SLC29A3: variants seen among roughly 807,000 people sequenced by gnomAD.
SLC29A3 encodes the protein equilibrative nucleoside transporter 3.
A neutral mutation model predicts 25.4 loss-of-function variants in SLC29A3; 18 were observed. The ratio of observed to expected loss-of-function variants is 0.71; its 90% CI spans 0.49 to 1.05. The LOEUF (loss-of-function observed/expected upper bound fraction) is 1.05, where lower values mean the gene tolerates loss of function less well. Ranked by LOEUF, SLC29A3 falls within the 50% of genes least tolerant of loss-of-function variation. The pLI, the probability that SLC29A3 is intolerant of heterozygous loss-of-function variation, is 0.00. For synonymous variants in SLC29A3, 258 were observed against 267.1 expected (o/e 0.97, Z 0.33); for missense variants, 586 against 609.0 (o/e 0.96, Z 0.40).
intron 2 of SLC29A3, among the ~76,000 whole-genome samples, chr10:71,329,628 T>G (rs1438166228): frequency 6.6e-6 from 1 of 152,190 alleles, no homozygotes; most frequent in Non-Finnish European, 1.5e-5. Flanking sequence ...CGTGTGCCTG[T>G]AGTTCCAGCT....
chr10:71,354,352 C>T (rs536274804), intron 4 of SLC29A3, among the ~76,000 whole-genome samples: 2 of 152,278 alleles, frequency 1.3e-5, no homozygotes, highest in East Asian at 1.9e-4. Flanking sequence ...GGTTTGGACT[C>T]GGATGTTTTG....
intron 4 of SLC29A3, chr10:71,379,711 A>G (rs1363295675): frequency 6.6e-6 from 1 of 152,344 alleles, no homozygotes; most frequent in East Asian, 1.9e-4. Context: ...TAATTGCAAT[A>G]AAGCCATTTG....
At chr10:71,357,370 G>A (rs1846942410) in intron 5 of SLC29A3, among the ~76,000 whole-genome samples, 4 of 151,710 alleles carry the variant, frequency 2.6e-5, no homozygotes, top group African/African-American at 7.3e-5. Context: ...AGCTGAGATC[G>A]CACCCCTGCA....
rs1467077444 is a variant in SLC29A3 at position 71,325,406 on chromosome 10, G to A, written c.300+2352G>A. On this transcript the variant is annotated intron_variant, in intron 2 of 5. Coordinates refer to ENST00000373189, the MANE Select transcript of SLC29A3 (RefSeq NM_018344.6). ...ATGGGCCTCCCTCAAACCTTGTTAT[G>A]TCATCGGCACATTACCCGTCCGATG... is the stretch of plus-strand genomic sequence containing the variant. Among the ~76,000 whole-genome samples the A allele has an allele frequency of 3.9e-5, 6 of 152,278 alleles. No individual in the cohort carries two copies. In the South Asian group the frequency reaches 1.0e-3, roughly 26 times the overall value.
At chr10:71,375,618 A>T (rs1305883177) in intron 3 of SLC29A3, 1 of 152,208 alleles carries the variant, frequency 6.6e-6, no homozygotes, top group Non-Finnish European at 1.5e-5. Context: ...TAAATCAACT[A>T]AAAAAATCAA....
rs79520852 is a variant in SLC29A3 at position 71,339,095 on chromosome 10, G to A, written c.301-5114G>A. 2.8e-3 allele frequency among the ~76,000 whole-genome samples: 425 copies of A among 152,342 alleles called. 3 individuals carry two copies. Among genetic ancestry groups the A allele is most frequent in the Middle Eastern group, 0.02 (6 of 294 alleles). ...TGCTGCCACCAGCACTCCCAATGTG[G>A]ACCTCTGTGTACCTCTGGGAAATTC... On this transcript the variant is annotated intron_variant, in intron 2 of 5. Transcript: ENST00000373189.
At chr10:71,363,895 G>C (rs924541980), downstream of SLC29A3, among the ~76,000 whole-genome samples, 1 of 142,902 alleles carries the variant, frequency 7.0e-6, no homozygotes, top group African/African-American at 2.6e-5. Flanking sequence ...CTGCAACCTT[G>C]AGGATGTTTT....
intron 3 of SLC29A3, among the ~76,000 whole-genome samples, chr10:71,345,607 AATGAGAAGGAGAGGGGCGTTGCAGCCC>A: frequency 6.6e-6 from 1 of 152,348 alleles, no homozygotes; most frequent in Admixed American, 6.5e-5. Flanking sequence ...AGTCTGGAAG[AATGAGAAGGAGAGGGGCGTTGCAGCCC>A]CTCTCACCAG....
In SLC29A3 at chr10:71,363,313, G is replaced by A. The variant is rs113080025; in HGVS notation, c.*705G>A. ...GTCTATGGCCTGGGTCAAGATGAGGGTCTTTCAGTGTTCCTGTTTACAACA... is the reference window on the plus strand; with the variant it reads ...GTCTATGGCCTGGGTCAAGATGAGGATCTTTCAGTGTTCCTGTTTACAACA... On this transcript the variant is annotated 3_prime_UTR_variant, in exon 6 of 6. Transcript: ENST00000373189. 2.1e-3 allele frequency: 933 copies of A among 454,110 alleles called. 12 individuals carry two copies. Among genetic ancestry groups the A allele is most frequent in the African/African-American group, 0.017 (860 of 50,120 alleles). 28.1% of individuals were successfully genotyped at this position (454,110 alleles called of 1,614,324 possible). A position where few individuals can be genotyped will look rare whatever the true frequency, so the allele number is the denominator to read the frequency against.
intron 2 of SLC29A3, among the ~76,000 whole-genome samples, chr10:71,332,094 T>G (rs538245269): frequency 1.5e-4 from 23 of 152,298 alleles, no homozygotes; most frequent in Admixed American, 2.6e-4. Context: ...TAGACTCCCT[T>G]TGCAATCCTC....
intron 2 of SLC29A3, among the ~76,000 whole-genome samples, chr10:71,336,340 A>G (rs967581006): frequency 6.6e-6 from 1 of 152,124 alleles, no homozygotes; most frequent in Admixed American, 6.5e-5. Flanking sequence ...GGGGGCATGA[A>G]TTCAGCCCCC....
chr10:71,366,830 T>G (rs1037622827), downstream of SLC29A3, among the ~76,000 whole-genome samples: 1 of 152,210 alleles, frequency 6.6e-6, no homozygotes, highest in African/African-American at 2.4e-5. Context: ...ATGTCTCCAC[T>G]TGGTGGGCTT....
At chr10:71,336,685 G>A (rs1846262032) in intron 2 of SLC29A3, among the ~76,000 whole-genome samples, 1 of 151,934 alleles carries the variant, frequency 6.6e-6, no homozygotes, top group Admixed American at 6.6e-5. Context: ...TGGGATTCAT[G>A]GTGTGAGTCT....
downstream of SLC29A3, among the ~76,000 whole-genome samples, chr10:71,367,640 G>A (rs1366531486): frequency 1.3e-5 from 2 of 152,174 alleles, no homozygotes; most frequent in Admixed American, 6.5e-5. Context: ...CTGAGATGGC[G>A]AACTCAACTT....
At position 71,359,295 on chromosome 10, in the gene SLC29A3, G is replaced by C. The variant is rs78333835; in HGVS notation, c.774-2659G>C. On this transcript the variant is annotated intron_variant, in intron 5 of 5. Transcript: ENST00000373189. ...CACTTCTCTAAGGATGGGGCTCATG[G>C]AGAGAGCTGTGCTCCCAGGTCTGCT... 3.2e-3 allele frequency among the ~76,000 whole-genome samples: 487 copies of C among 152,310 alleles called. 3 individuals carry two copies. Among genetic ancestry groups the C allele is most frequent in the African/African-American group, 0.011 (468 of 41,570 alleles).
At chr10:71,356,273 C>T (rs1299693099) in intron 5 of SLC29A3, 30 bp downstream of exon 5, 7 of 1,609,820 alleles carry the variant, frequency 4.3e-6, no homozygotes, top group Middle Eastern at 1.6e-4. Context: ...TCCATGCCTC[C>T]TTCCTGTGTA....
intron 2 of SLC29A3, among the ~76,000 whole-genome samples, chr10:71,326,963 C>T (rs1845986663): frequency 6.6e-6 from 1 of 152,186 alleles, no homozygotes; most frequent in African/African-American, 2.4e-5. Context: ...CAGCCACCCA[C>T]CTCCCCAGCT....
At chr10:71,321,566 A>C (rs942493457) in intron 1 of SLC29A3, among the ~76,000 whole-genome samples, 1 of 152,256 alleles carries the variant, frequency 6.6e-6, no homozygotes, top group South Asian at 2.1e-4. Context: ...TTCAGCAGCC[A>C]GCCAGCCAGC....
rs994856077 is a variant in SLC29A3 at position 71,319,265 on chromosome 10, C to A, written c.-45C>A. ...CCTGCCGCCTGCCAAGCCCAGTGGTCCTGGCCGTGCGCCGGAGGCAGCGGC... is the reference window on the plus strand; with the variant it reads ...CCTGCCGCCTGCCAAGCCCAGTGGTACTGGCCGTGCGCCGGAGGCAGCGGC... On this transcript the variant is annotated 5_prime_UTR_variant, in exon 1 of 6. Transcript: ENST00000373189. 8 of 612,426 alleles carry A rather than the reference C, an allele frequency of 1.3e-5. No individual in the cohort carries two copies. Among genetic ancestry groups the A allele is most frequent in the Non-Finnish European group, 2.3e-5 (8 of 341,702 alleles). 37.9% of individuals were successfully genotyped at this position (612,426 alleles called of 1,614,324 possible). A position where few individuals can be genotyped will look rare whatever the true frequency, so the allele number is the denominator to read the frequency against.
Sources: allele counts gnomAD v4.1 joint callset (sites outside exome capture counted in the v4.1 genomes callset), GRCh38; gene constraint gnomAD v4.1.1; transcripts MANE v1.5; gene names NCBI Gene and HGNC (gene_info 2026-07-23, HGNC 2026-07-21).